RORA: variants seen among roughly 807,000 people sequenced by gnomAD.
The protein encoded by RORA is RAR related orphan receptor A.
In RORA, 7 loss-of-function variants were observed where a neutral mutation model predicts 69.5. The ratio of observed to expected loss-of-function variants is 0.10; its 90% CI spans 0.06 to 0.19. The LOEUF (loss-of-function observed/expected upper bound fraction) is 0.19, where lower values mean the gene tolerates loss of function less well. Among genes scored for constraint, RORA ranks in the 10% least tolerant of loss-of-function variants. The probability of loss-of-function intolerance (pLI) is 1.00; values close to 1 mark genes in which losing one functional copy is unlikely to be tolerated. For missense variants in RORA, 457 were observed against 663.0 expected (o/e 0.69, Z 3.41); for synonymous variants, 261 against 240.8 (o/e 1.08, Z -0.78).
chr15:60,754,927 A>C (rs968877727), intron 1 of RORA, among the ~76,000 whole-genome samples: 3 of 150,568 alleles, frequency 2.0e-5, no homozygotes, highest in African/African-American at 7.3e-5. Flanking sequence ...TGGAATGGAT[A>C]TCTCTCTTAT....
At chr15:61,041,319 T>G (rs898831102) in intron 1 of RORA, among the ~76,000 whole-genome samples, 1 of 152,110 alleles carries the variant, frequency 6.6e-6, no homozygotes, top group South Asian at 2.1e-4. Context: ...AAATCTTCCA[T>G]GAAACAAGCA....
chr15:61,079,888 C>T (rs972484471), intron 1 of RORA, among the ~76,000 whole-genome samples: 9 of 152,080 alleles, frequency 5.9e-5, no homozygotes, highest in Non-Finnish European at 8.8e-5. Context: ...ATTTCCTGTG[C>T]GACCATGAGC....
intron 1 of RORA, among the ~76,000 whole-genome samples, chr15:60,817,197 G>A (rs749831546): frequency 3.6e-4 from 55 of 152,070 alleles, no homozygotes; most frequent in Admixed American, 2.6e-3. Flanking sequence ...TTGTGGGTTC[G>A]GTCTCTAGAC....
intron 2 of RORA, among the ~76,000 whole-genome samples, chr15:60,645,335 C>T (rs1285510801): frequency 1.3e-5 from 2 of 150,362 alleles, no homozygotes; most frequent in African/African-American, 4.9e-5. Context: ...GATGAAAGGG[C>T]ATGTGGCAAA....
intron 1 of RORA, among the ~76,000 whole-genome samples, chr15:60,867,437 T>C (rs2140432001): frequency 6.6e-6 from 1 of 152,296 alleles, no homozygotes; most frequent in Middle Eastern, 3.4e-3. Context: ...CCAGTTCGTG[T>C]GTGCCACAGA....
chr15:60,544,532 G>A (rs1414195546), intron 2 of RORA, among the ~76,000 whole-genome samples: 1 of 152,076 alleles, frequency 6.6e-6, no homozygotes, highest in African/African-American at 2.4e-5. Flanking sequence ...ACTATGAAAC[G>A]AAGAGAATTT....
In RORA at chr15:60,566,729, T is replaced by C. The variant is rs1221131074; in HGVS notation, c.197-34878A>G. ...TGATTTGGGCCACAGAGAATGAATA[T>C]CGCACTTCCCTAGGCAGTGAAAGTT... On this transcript the variant is annotated intron_variant, in intron 2 of 10. Coordinates refer to ENST00000335670, the MANE Select transcript of RORA (RefSeq NM_134261.3). Among the ~76,000 whole-genome samples the C allele has an allele frequency of 2.0e-5, 3 of 152,160 alleles. No individual in the cohort carries two copies. In the East Asian group the frequency reaches 5.8e-4, roughly 29 times the overall value.
chr15:60,612,333 C>T (rs340015), intron 2 of RORA, among the ~76,000 whole-genome samples: 51,921 of 151,960 alleles, frequency 0.34, 11,804 homozygotes, highest in African/African-American at 0.66. Context: ...CTGTTTCCTT[C>T]CCAAGACAAG....
At chr15:60,504,275 G>A (rs1393624577) in intron 6 of RORA, among the ~76,000 whole-genome samples, 4 of 151,878 alleles carry the variant, frequency 2.6e-5, no homozygotes, top group African/African-American at 7.3e-5. Context: ...GGCTGGGCAC[G>A]GTGGTTCACG....
At chr15:61,211,023 G>C (rs139514286) in intron 1 of RORA, among the ~76,000 whole-genome samples, 2 of 152,340 alleles carry the variant, frequency 1.3e-5, no homozygotes, top group African/African-American at 4.8e-5. Flanking sequence ...ATTTCATCTT[G>C]TGTGAGTTTA....
intron 1 of RORA, among the ~76,000 whole-genome samples, chr15:60,845,781 C>T (rs2073257791): frequency 6.6e-6 from 1 of 152,224 alleles, no homozygotes; most frequent in South Asian, 2.1e-4. Flanking sequence ...GAGTCTTGCT[C>T]TGTCGCCCAG....
chr15:61,168,074 G>A (rs1452673905), intron 1 of RORA, among the ~76,000 whole-genome samples: 1 of 151,840 alleles, frequency 6.6e-6, no homozygotes, highest in African/African-American at 2.4e-5. Context: ...GGAATATGCT[G>A]AGTGTTGTTT....
chr15:60,551,488 A>T (rs2067227059), intron 2 of RORA, among the ~76,000 whole-genome samples: 1 of 152,152 alleles, frequency 6.6e-6, no homozygotes, highest in Admixed American at 6.5e-5. Flanking sequence ...CTTTGCTCTG[A>T]TCTCATTAAC....
At chr15:60,851,253 A>G (rs922243332) in intron 1 of RORA, among the ~76,000 whole-genome samples, 1 of 152,180 alleles carries the variant, frequency 6.6e-6, no homozygotes, top group Non-Finnish European at 1.5e-5. Flanking sequence ...GCAGAACATA[A>G]AAGCACAATT....
intron 2 of RORA, among the ~76,000 whole-genome samples, chr15:60,677,867 T>G (rs1212777691): frequency 6.6e-6 from 1 of 152,226 alleles, no homozygotes; most frequent in Non-Finnish European, 1.5e-5. Flanking sequence ...TGGTCTAAAA[T>G]AGTCATCAAA....
chr15:60,832,276 C>CA (rs142773142), intron 1 of RORA, among the ~76,000 whole-genome samples: 15,122 of 152,208 alleles, frequency 0.099, 1,696 homozygotes, highest in African/African-American at 0.28. Flanking sequence ...GCCTATCCCA[C>CA]ACCACCCCTC....
chr15:60,872,032 C>A (rs750661328), intron 1 of RORA, among the ~76,000 whole-genome samples: 1 of 152,188 alleles, frequency 6.6e-6, no homozygotes, highest in Non-Finnish European at 1.5e-5. Flanking sequence ...TTATTGAAAG[C>A]TTTGTGGATG....
intron 1 of RORA, among the ~76,000 whole-genome samples, chr15:61,155,440 A>C (rs190820575): frequency 1.3e-5 from 2 of 152,322 alleles, no homozygotes; most frequent in East Asian, 3.9e-4. Context: ...AAGAGAAAGC[A>C]CCAAAGGGGT....
In RORA at chr15:60,500,981, A is replaced by C. The variant is rs2065313677; in HGVS notation, c.1272T>G (p.Ser424=). 1 of 1,596,064 alleles carries C rather than the reference A, an allele frequency of 6.3e-7. No individual in the cohort carries two copies. The highest frequency in any genetic ancestry group is 1.3e-5 in the African/African-American group (1 of 74,530). ...HLTEDEIALF[S]AFVLMSADRS... ...TACCTGCTGACATCAGTACAAATGC[A>C]GAAAATAATGCAATTTCATCTTCAG... Residue 424 remains serine, a synonymous_variant, in exon 9 of 11, where the codon TCT becomes TCG. Transcript: ENST00000335670.
Sources: allele counts gnomAD v4.1 joint callset (sites outside exome capture counted in the v4.1 genomes callset), GRCh38; gene constraint gnomAD v4.1.1; transcripts MANE v1.5; gene names NCBI Gene and HGNC (gene_info 2026-07-23, HGNC 2026-07-21).